The following ZNF679 variants were observed in gnomAD, a reference collection of about 807,000 sequenced individuals.
ZNF679 encodes hypothetical protein MGC42415.
Under a neutral mutation model 13.4 loss-of-function variants are expected in ZNF679, and 10 were observed. The ratio of observed to expected loss-of-function variants is 0.75; its 90% confidence interval spans 0.46 to 1.27. The LOEUF is 1.27. ZNF679 is among the 50% of genes most tolerant of loss of function. ZNF679 has a pLI of 0.00. For synonymous variants in ZNF679, 179 were observed against 162.5 expected (o/e 1.10, Z -0.77); for missense variants, 525 against 477.8 (o/e 1.10, Z -0.92).
intron 4 of ZNF679, among the ~76,000 whole-genome samples, chr7:64,264,445 T>C (rs1260767603): frequency 1.3e-5 from 2 of 152,130 alleles, no homozygotes; most frequent in Non-Finnish European, 1.5e-5. Flanking sequence ...TTATTTTTTG[T>C]ATATGCATAT....
At chr7:64,236,452 G>GA (rs1787713085) in intron 1 of ZNF679, among the ~76,000 whole-genome samples, 1 of 149,842 alleles carries the variant, frequency 6.7e-6, no homozygotes, top group African/African-American at 2.5e-5. Context: ...GTTTGTGGGG[G>GA]GAAAAAAAAA....
At chr7:64,234,319 T>G (rs1293463758) in intron 1 of ZNF679, among the ~76,000 whole-genome samples, 1 of 152,160 alleles carries the variant, frequency 6.6e-6, no homozygotes, top group Non-Finnish European at 1.5e-5. Flanking sequence ...TCCTGGTGGG[T>G]AATCAGAATT....
At chr7:64,264,051 A>G (rs773077963) in intron 4 of ZNF679, among the ~76,000 whole-genome samples, 6 of 152,022 alleles carry the variant, frequency 3.9e-5, no homozygotes, top group Non-Finnish European at 5.9e-5. Flanking sequence ...CCCTGATGTT[A>G]TATATACTTA....
chr7:64,248,687 T>C (rs1210757947), intron 1 of ZNF679, among the ~76,000 whole-genome samples: 1 of 152,166 alleles, frequency 6.6e-6, no homozygotes, highest in Non-Finnish European at 1.5e-5. Flanking sequence ...TTTAAAATAA[T>C]TGTCATTATG....
chr7:64,266,490 A>G lies in ZNF679; in HGVS notation c.857A>G (p.His286Arg), dbSNP rs745857033. 1.9e-6 allele frequency: 3 copies of G among 1,613,588 alleles called. No individual in the cohort carries two copies. The South Asian group carries it at 3.3e-5, about 18-fold the overall frequency. ...AGCCGCTCCTCAACACTTGCTAACCACAAGAGAATTCATACTGGAGAGAAA... is the reference window on the plus strand; with the variant it reads ...AGCCGCTCCTCAACACTTGCTAACCGCAAGAGAATTCATACTGGAGAGAAA... The part of the protein sequence containing the change: ...AFSRSSTLAN[H>R]KRIHTGEKPY... The change falls in exon 5 of 5, where the codon CAC becomes CGC. Residue 286 changes from histidine (H) to arginine (R), a missense_variant. By Grantham distance (29) the His-to-Arg change is conservative. Transcript: ENST00000421025.
chr7:64,251,500 C>G (rs1437660897), intron 2 of ZNF679, among the ~76,000 whole-genome samples: 1 of 152,056 alleles, frequency 6.6e-6, no homozygotes, highest in Non-Finnish European at 1.5e-5. Context: ...TCCTCTGACA[C>G]TGTGTTGTAA....
intron 1 of ZNF679, among the ~76,000 whole-genome samples, chr7:64,236,942 AAAG>A: frequency 8.8e-5 from 4 of 45,650 alleles, no homozygotes; most frequent in Non-Finnish European, 1.6e-4. Context: ...AGAAAGAAAG[AAAG>A]AAAGAAAGAA....
intron 4 of ZNF679, among the ~76,000 whole-genome samples, chr7:64,261,484 C>A (rs1362576497): frequency 2.6e-5 from 4 of 151,900 alleles, no homozygotes; most frequent in African/African-American, 9.7e-5. Context: ...GGGGGATATA[C>A]AAGCAGGATA....
chr7:64,229,962 G>A (rs1043214648), intron 1 of ZNF679, among the ~76,000 whole-genome samples: 3 of 152,188 alleles, frequency 2.0e-5, no homozygotes, highest in Non-Finnish European at 2.9e-5. Context: ...GAACATAAGA[G>A]GATAGTCACA....
chr7:64,251,817 AGAG>A (rs1299707949), intron 2 of ZNF679, among the ~76,000 whole-genome samples: 1 of 152,216 alleles, frequency 6.6e-6, no homozygotes, highest in Non-Finnish European at 1.5e-5. Flanking sequence ...TAGCCTTGCA[AGAG>A]AAGAGAGCAA....
At chr7:64,236,134 T>A (rs192292313) in intron 1 of ZNF679, among the ~76,000 whole-genome samples, 13 of 150,792 alleles carry the variant, frequency 8.6e-5, no homozygotes, top group East Asian at 6.1e-4. Context: ...GTGTGGTGGC[T>A]CACACCTGTA....
intron 2 of ZNF679, among the ~76,000 whole-genome samples, chr7:64,256,686 G>A (rs1432178502): frequency 1.4e-5 from 2 of 144,598 alleles, no homozygotes; most frequent in Admixed American, 7.0e-5. Flanking sequence ...TCAACTTCTG[G>A]TTTCGTTGAA....
chr7:64,230,879 G>A (rs777993971), intron 1 of ZNF679, among the ~76,000 whole-genome samples: 10 of 152,194 alleles, frequency 6.6e-5, no homozygotes, highest in African/African-American at 1.2e-4. Flanking sequence ...AGCCTCACAC[G>A]TGTGCTGAAT....
At chr7:64,246,212 A>G (rs2082662) in intron 1 of ZNF679, among the ~76,000 whole-genome samples, 1 of 152,116 alleles carries the variant, frequency 6.6e-6, no homozygotes, top group South Asian at 2.1e-4. Context: ...TATCTGTCTT[A>G]GGAGACACTC....
At position 64,249,115 on chromosome 7, in the gene ZNF679, T is replaced by C. The variant is rs1464493232; in HGVS notation, c.-3T>C. 5.6e-6 allele frequency: 9 copies of C among 1,613,948 alleles called. No individual in the cohort carries two copies. Among genetic ancestry groups the C allele is most frequent in the Non-Finnish European group, 7.6e-6 (9 of 1,179,992 alleles). ...CTTGTGTTCTGCAGGTATCCGCAGA[T>C]TTATGGCTAAAAGACCGGGATCCCC... is the stretch of plus-strand genomic sequence containing the variant. On this transcript the variant is annotated 5_prime_UTR_variant, in exon 2 of 5. Transcript: ENST00000421025.
intron 2 of ZNF679, among the ~76,000 whole-genome samples, chr7:64,249,953 C>T (rs533559431): frequency 5.3e-5 from 8 of 152,030 alleles, no homozygotes; most frequent in Admixed American, 2.6e-4. Context: ...GCAGTTCTCA[C>T]GCCTCAGGCT....
intron 1 of ZNF679, among the ~76,000 whole-genome samples, chr7:64,231,895 T>G (rs1032580790): frequency 2.0e-5 from 3 of 152,148 alleles, no homozygotes; most frequent in African/African-American, 7.2e-5. Context: ...GAAATAAAAT[T>G]TCTAATCTTG....
chr7:64,231,223 T>G (rs1381692968), intron 1 of ZNF679, among the ~76,000 whole-genome samples: 2 of 152,234 alleles, frequency 1.3e-5, no homozygotes, highest in Admixed American at 1.3e-4. Context: ...TTTTCTATTG[T>G]CTTGGTCCAG....
chr7:64,261,233 C>T (rs989929942), intron 4 of ZNF679, among the ~76,000 whole-genome samples: 21 of 151,764 alleles, frequency 1.4e-4, no homozygotes, highest in African/African-American at 4.8e-4. Flanking sequence ...ATGCTAATAT[C>T]TGCATATTTT....
Sources: gnomAD v4.1 joint callset for allele counts (sites outside exome capture counted in the v4.1 genomes callset) on GRCh38, gnomAD v4.1.1 for gene constraint, MANE v1.5 for transcripts, NCBI Gene and HGNC (gene_info 2026-07-23, HGNC 2026-07-21) for gene names.